The following GRXCR2 variants were observed in gnomAD, a reference collection of about 807,000 sequenced individuals.
GRXCR2 encodes glutaredoxin domain-containing cysteine-rich protein 2.
Under a neutral mutation model 24.8 loss-of-function variants are expected in GRXCR2, and 23 were observed. That is an observed-to-expected ratio of 0.93 (90% CI 0.67 to 1.32). The LOEUF (loss-of-function observed/expected upper bound fraction) is 1.32. Among genes scored for constraint, GRXCR2 ranks in the 40% most tolerant of loss-of-function variants. The pLI, the probability that GRXCR2 is intolerant of heterozygous loss-of-function variation, is 0.00. For missense variants in GRXCR2, 315 were observed against 303.4 expected, an observed-to-expected ratio of 1.04 and a Z score of -0.28; for synonymous variants, 130 against 116.1, an observed-to-expected ratio of 1.12 and a Z score of -0.77.
rs756150239 is a variant in GRXCR2 at position 145,866,661 on chromosome 5, G to A, written c.404C>T (p.Pro135Leu). ...CCTCACAAAATCTCTCTTGTCCATT[G>A]GGGTTCGAATGATTTTCAGGTTATT... is the stretch of plus-strand genomic sequence containing the variant. ...YTNNLKIIRT[P>L]MDKRDFVRKI... The change falls in exon 2 of 3, where the codon CCA becomes CTA. Residue 135 changes from proline (P) to leucine (L), a missense_variant. Physicochemically the swap from Pro to Leu is moderately conservative, Grantham distance 98. Transcript: ENST00000377976. The A allele has an allele frequency of 3.7e-6, 6 of 1,613,684 alleles. No individual in the cohort carries two copies. The highest frequency in any genetic ancestry group is 3.3e-5 in the Admixed American group (2 of 60,000).
chr5:145,886,022 G>C (rs1371820145), intron 2 of GRXCR2, among the ~76,000 whole-genome samples: 2 of 152,208 alleles, frequency 1.3e-5, no homozygotes, highest in Non-Finnish European at 2.9e-5. Context: ...CATCATTAAT[G>C]CTTCTATCTC....
chr5:145,906,147 C>T (rs950149373), intron 2 of GRXCR2, among the ~76,000 whole-genome samples: 25 of 152,114 alleles, frequency 1.6e-4, no homozygotes, highest in Non-Finnish European at 2.4e-4. Context: ...TACAGAGGCA[C>T]CCCTCCTTCC....
chr5:145,868,656 C>A (rs1219683177), intron 1 of GRXCR2, among the ~76,000 whole-genome samples: 2 of 152,134 alleles, frequency 1.3e-5, no homozygotes, highest in Non-Finnish European at 2.9e-5. Flanking sequence ...AGCTTTTCAT[C>A]TCTAGAGCTG....
chr5:145,901,094 A>G (rs892104465), intron 2 of GRXCR2, among the ~76,000 whole-genome samples: 5 of 150,998 alleles, frequency 3.3e-5, no homozygotes, highest in Non-Finnish European at 5.9e-5. Context: ...GAAGGTAAAT[A>G]TCAGATATTC....
At chr5:145,868,953 T>C (rs144683253) in intron 1 of GRXCR2, among the ~76,000 whole-genome samples, 2 of 152,360 alleles carry the variant, frequency 1.3e-5, no homozygotes, top group East Asian at 1.9e-4. Flanking sequence ...TCCTACATGA[T>C]AGAGGGCCAG....
intron 1 of GRXCR2, among the ~76,000 whole-genome samples, chr5:145,869,223 T>C (rs1404704559): frequency 6.6e-6 from 1 of 152,226 alleles, no homozygotes; most frequent in African/African-American, 2.4e-5. Flanking sequence ...GTTTGCAAGT[T>C]AGTTAATCCT....
upstream of GRXCR2, among the ~76,000 whole-genome samples, chr5:145,876,191 GTATA>G (rs748811333): frequency 0.015 from 1,529 of 105,302 alleles, 44 homozygotes; most frequent in Middle Eastern, 0.078. Flanking sequence ...GTGTGTGTGT[GTATA>G]TATATATATA....
chr5:145,914,113 T>A (rs1001761375), intron 2 of GRXCR2, among the ~76,000 whole-genome samples: 1 of 152,126 alleles, frequency 6.6e-6, no homozygotes, highest in Non-Finnish European at 1.5e-5. Flanking sequence ...CAGGAGATCA[T>A]CCCTGGGATG....
rs373490118 is a variant in GRXCR2, at chr5:145,859,642, G to C, written c.*91C>G. ...TGACTGCAGCCACTGTGGCCTCCTT[G>C]TTGGGAGAGGCAGGAGGAGGAGAAG... is the stretch of plus-strand genomic sequence containing the variant. On this transcript the variant is annotated 3_prime_UTR_variant, in exon 3 of 3. Coordinates refer to ENST00000377976, the MANE Select transcript of GRXCR2 (RefSeq NM_001080516.2). 24 of 1,215,250 alleles carry C rather than the reference G, an allele frequency of 2.0e-5. No individual in the cohort carries two copies. The African/African-American group carries it at 2.1e-4, about 11-fold the overall frequency. 75.3% of individuals were successfully genotyped at this position (1,215,250 alleles called of 1,614,324 possible). A position where few individuals can be genotyped will look rare whatever the true frequency, so the allele number is the denominator to read the frequency against.
At chr5:145,914,536 C>A (rs183462435) in intron 2 of GRXCR2, among the ~76,000 whole-genome samples, 1 of 151,720 alleles carries the variant, frequency 6.6e-6, no homozygotes, top group Non-Finnish European at 1.5e-5. Context: ...ATTAACCAGG[C>A]GTGGTGGTGT....
upstream of GRXCR2, among the ~76,000 whole-genome samples, chr5:145,877,439 T>G (rs1756635164): frequency 6.6e-6 from 1 of 151,466 alleles, no homozygotes; most frequent in Admixed American, 6.6e-5. Flanking sequence ...AACCTCTGCC[T>G]CCCAGGTTAA....
intron 2 of GRXCR2, among the ~76,000 whole-genome samples, chr5:145,862,104 T>C (rs751834755): frequency 2.5e-4 from 38 of 152,340 alleles, no homozygotes; most frequent in Admixed American, 1.2e-3. Context: ...TCCTGCCAAA[T>C]CCATTAGGTT....
At chr5:145,871,804 T>C (rs923699272) in intron 1 of GRXCR2, among the ~76,000 whole-genome samples, 1 of 152,184 alleles carries the variant, frequency 6.6e-6, no homozygotes, top group East Asian at 1.9e-4. Flanking sequence ...TGAGAACACA[T>C]CCTGGTGTGC....
intron 2 of GRXCR2, among the ~76,000 whole-genome samples, chr5:145,889,644 G>C (rs1434146565): frequency 6.6e-6 from 1 of 152,154 alleles, no homozygotes; most frequent in Admixed American, 6.5e-5. Flanking sequence ...ACTGGCACAA[G>C]AATTCTGCCA....
chr5:145,905,360 A>G (rs1757076857), intron 2 of GRXCR2, among the ~76,000 whole-genome samples: 1 of 152,200 alleles, frequency 6.6e-6, no homozygotes, highest in African/African-American at 2.4e-5. Context: ...CACTTTATAA[A>G]TCCAAATGTG....
At chr5:145,864,717 G>A (rs1180624466) in intron 2 of GRXCR2, among the ~76,000 whole-genome samples, 1 of 151,992 alleles carries the variant, frequency 6.6e-6, no homozygotes, top group Non-Finnish European at 1.5e-5. Flanking sequence ...GGCCTCCCCA[G>A]CCATTTGGAA....
upstream of GRXCR2, among the ~76,000 whole-genome samples, chr5:145,873,689 G>A (rs1756569036): frequency 6.6e-6 from 1 of 152,168 alleles, no homozygotes; most frequent in South Asian, 2.1e-4. Context: ...AACAGGAGAA[G>A]GCCGAGGGTC....
At chr5:145,888,545 C>G (rs1419216802) in intron 2 of GRXCR2, among the ~76,000 whole-genome samples, 1 of 151,994 alleles carries the variant, frequency 6.6e-6, no homozygotes, top group Non-Finnish European at 1.5e-5. Flanking sequence ...GGCACATATG[C>G]TTAATTTTTT....
chr5:145,878,275 T>C (rs1000588057), intron 2 of GRXCR2, among the ~76,000 whole-genome samples: 26 of 152,038 alleles, frequency 1.7e-4, no homozygotes, highest in African/African-American at 6.0e-4. Flanking sequence ...CTCAAACCCA[T>C]TGCAAGGAAG....
Sources: allele counts gnomAD v4.1 joint callset (sites outside exome capture counted in the v4.1 genomes callset), GRCh38; gene constraint gnomAD v4.1.1; transcripts MANE v1.5; gene names NCBI Gene and HGNC (gene_info 2026-07-23, HGNC 2026-07-21).